CLMP: variants seen among roughly 807,000 people sequenced by gnomAD.
CLMP encodes the protein CXADR-like membrane protein.
In CLMP, 27 loss-of-function variants were observed where a neutral mutation model predicts 45.2. The observed-to-expected ratio is 0.60, with a 90% CI of 0.44 to 0.82. CLMP has a LOEUF of 0.82. Among genes scored for constraint, CLMP ranks in the 40% least tolerant of loss-of-function variants. The pLI, the probability that CLMP is intolerant of heterozygous loss-of-function variation, is 0.00. For missense variants in CLMP, 403 were observed against 448.4 expected (o/e 0.90, Z 0.91); for synonymous variants, 167 against 171.4 (o/e 0.97, Z 0.20).
chr11:123,176,869 C>T (rs1861707347), intron 1 of CLMP, among the ~76,000 whole-genome samples: 3 of 152,248 alleles, frequency 2.0e-5, no homozygotes, highest in African/African-American at 7.2e-5. Flanking sequence ...AGCTCTAAGT[C>T]CTGCCTTGAG....
At chr11:123,153,162 C>A (rs11821683) in intron 1 of CLMP, among the ~76,000 whole-genome samples, 52,177 of 151,868 alleles carry the variant, frequency 0.34, 9,224 homozygotes, top group African/African-American at 0.43. Context: ...CCAAGGTTTC[C>A]GGGTCTGTGT....
chr11:123,127,779 G>GT (rs1289037641), intron 1 of CLMP, among the ~76,000 whole-genome samples: 1 of 152,172 alleles, frequency 6.6e-6, no homozygotes, highest in East Asian at 1.9e-4. Flanking sequence ...GCTCACGCCT[G>GT]TAATTCCAGC....
chr11:123,183,904 G>A (rs371442270), intron 1 of CLMP, among the ~76,000 whole-genome samples: 3 of 152,114 alleles, frequency 2.0e-5, no homozygotes, highest in Non-Finnish European at 4.4e-5. Context: ...GATGAGTAAT[G>A]ATTCAGGAGC....
At chr11:123,103,893 A>C (rs1443281460) in intron 1 of CLMP, among the ~76,000 whole-genome samples, 1 of 147,038 alleles carries the variant, frequency 6.8e-6, no homozygotes, top group Non-Finnish European at 1.5e-5. Flanking sequence ...GCAGTCGCGC[A>C]ATCTCGGCTC....
intron 5 of CLMP, among the ~76,000 whole-genome samples, chr11:123,077,836 G>A (rs987407318): frequency 5.3e-5 from 8 of 152,282 alleles, no homozygotes; most frequent in Middle Eastern, 3.4e-3. Context: ...TCTCAGTGCT[G>A]TGGCTCACGC....
rs529702556 is a variant in CLMP at position 123,135,979 on chromosome 11, G to T, written c.29-38027C>A. 375 of 563,400 alleles carry T rather than the reference G, an allele frequency of 6.7e-4. 1 individual carries two copies. Among genetic ancestry groups the T allele is most frequent in the South Asian group, 8.1e-4 (57 of 70,518 alleles). 34.9% of individuals were successfully genotyped at this position (563,400 alleles called of 1,614,324 possible). A position where few individuals can be genotyped will look rare whatever the true frequency, so the allele number is the denominator to read the frequency against. Reference sequence around the variant, plus strand: ...AATCTACCGGGTATCACAATGTGCTGCTTGATAAATTCTATTGCTTCTTCA... The same window carrying T: ...AATCTACCGGGTATCACAATGTGCTTCTTGATAAATTCTATTGCTTCTTCA... On this transcript the variant is annotated intron_variant, in intron 1 of 6. Coordinates refer to ENST00000448775, the MANE Select transcript of CLMP (RefSeq NM_024769.5).
intron 1 of CLMP, among the ~76,000 whole-genome samples, chr11:123,157,722 CAAA>C (rs869197042): frequency 0.24 from 17,116 of 71,050 alleles, 965 homozygotes; most frequent in Middle Eastern, 0.35. Context: ...GAGTGAAACT[CAAA>C]AAAAAAAAAA....
intron 1 of CLMP, among the ~76,000 whole-genome samples, chr11:123,120,895 G>A (rs1860806678): frequency 6.6e-6 from 1 of 152,086 alleles, no homozygotes; most frequent in African/African-American, 2.4e-5. Context: ...GGGAGGCCGA[G>A]GTGGGAGGAT....
At chr11:123,136,497 G>A in intron 1 of CLMP, 1 of 321,572 alleles carries the variant, frequency 3.1e-6, no homozygotes, top group South Asian at 4.0e-5. Flanking sequence ...GGCCAAGATG[G>A]AAGTCTATGG....
Position 123,104,466 on chromosome 11 carries a change from C to A in CLMP, c.29-6514G>T, listed in dbSNP as rs974474266. Among the ~76,000 whole-genome samples, 3 of 151,466 alleles carry A rather than the reference C, an allele frequency of 2.0e-5. No homozygotes were observed. In the South Asian group the frequency reaches 6.2e-4, roughly 31 times the overall value. ...ATGGCGTCATCTCAGCTCGCTGTAA[C>A]CTCCGCCTCCCAGGTTCAAACGATT... On this transcript the variant is annotated intron_variant, in intron 1 of 6. Transcript: ENST00000448775.
At chr11:123,154,196 C>G (rs60208101) in intron 1 of CLMP, among the ~76,000 whole-genome samples, 1 of 152,254 alleles carries the variant, frequency 6.6e-6, no homozygotes, top group African/African-American at 2.4e-5. Context: ...CCCTCTCTCA[C>G]CCCCTCCTCC....
chr11:123,149,387 C>A (rs116618441), intron 1 of CLMP, among the ~76,000 whole-genome samples: 2,872 of 152,288 alleles, frequency 0.019, 74 homozygotes, highest in African/African-American at 0.064. Context: ...ATTTTTATAT[C>A]TGAAAATCCA....
chr11:123,077,604 G>A (rs1054893347), intron 5 of CLMP, among the ~76,000 whole-genome samples: 1 of 152,152 alleles, frequency 6.6e-6, no homozygotes, highest in Admixed American at 6.6e-5. Flanking sequence ...GGGGTTACAG[G>A]TGTGAGCCAC....
intron 1 of CLMP, among the ~76,000 whole-genome samples, chr11:123,099,073 T>C (rs368338709): frequency 3.1e-4 from 47 of 152,082 alleles, no homozygotes; most frequent in African/African-American, 1.1e-3. Flanking sequence ...CTGAAGCGAT[T>C]CTCCAACCTT....
chr11:123,192,320 A>G (rs1418125434), intron 1 of CLMP, among the ~76,000 whole-genome samples: 1 of 152,162 alleles, frequency 6.6e-6, no homozygotes, highest in Non-Finnish European at 1.5e-5. Flanking sequence ...AAAACCATAG[A>G]ATTATAGAAA....
intron 1 of CLMP, among the ~76,000 whole-genome samples, chr11:123,118,021 T>C (rs1285428507): frequency 6.6e-6 from 1 of 152,224 alleles, no homozygotes; most frequent in African/African-American, 2.4e-5. Flanking sequence ...TATATTCTTA[T>C]GAATGTGTTC....
intron 1 of CLMP, among the ~76,000 whole-genome samples, chr11:123,163,862 GTC>G (rs1861520502): frequency 6.6e-6 from 1 of 152,198 alleles, no homozygotes; most frequent in Non-Finnish European, 1.5e-5. Context: ...GAGCTAGAGT[GTC>G]TCTGCTTAAA....
chr11:123,147,808 G>A (rs944337934), intron 1 of CLMP, among the ~76,000 whole-genome samples: 84 of 150,298 alleles, frequency 5.6e-4, no homozygotes, highest in Non-Finnish European at 1.1e-3. Flanking sequence ...AGTGGTTAAA[G>A]ACACTGACTT....
At chr11:123,102,869 AT>A (rs886967617) in intron 1 of CLMP, among the ~76,000 whole-genome samples, 3 of 151,756 alleles carry the variant, frequency 2.0e-5, no homozygotes, top group African/African-American at 7.3e-5. Context: ...CTCCTGCCCA[AT>A]TTTATGTGGC....
Sources: gnomAD v4.1 joint callset for allele counts (sites outside exome capture counted in the v4.1 genomes callset) on GRCh38, gnomAD v4.1.1 for gene constraint, MANE v1.5 for transcripts, NCBI Gene and HGNC (gene_info 2026-07-23, HGNC 2026-07-21) for gene names.